WWOX: variants seen among roughly 807,000 people sequenced by gnomAD.
WWOX encodes WW domain containing oxidoreductase.
In WWOX, 69 loss-of-function variants were observed where a neutral mutation model predicts 46.2. That is an observed-to-expected ratio of 1.49 (90% CI 1.23 to 1.82). The LOEUF is 1.82. WWOX is among the 40% of genes most tolerant of loss of function. The pLI is 0.00. For missense variants in WWOX, 919 were observed against 542.6 expected, an observed-to-expected ratio of 1.69 and a Z score of -6.89; for synonymous variants, 359 against 202.6, an observed-to-expected ratio of 1.77 and a Z score of -6.56.
intron 5 of WWOX, among the ~76,000 whole-genome samples, chr16:78,264,083 A>T (rs2079310281): frequency 7.4e-6 from 1 of 135,130 alleles, no homozygotes; most frequent in Middle Eastern, 4.5e-3. Flanking sequence ...CACCTGCCCT[A>T]AGTGTATCTG....
chr16:79,176,184 A>C (rs1199267710), intron 8 of WWOX, among the ~76,000 whole-genome samples: 2 of 151,904 alleles, frequency 1.3e-5, no homozygotes, highest in Non-Finnish European at 2.9e-5. Flanking sequence ...TATAGCTGAA[A>C]CCCCCAAAGG....
At chr16:79,117,972 CT>C (rs1265404603) in intron 8 of WWOX, among the ~76,000 whole-genome samples, 1 of 152,226 alleles carries the variant, frequency 6.6e-6, no homozygotes, top group East Asian at 1.9e-4. Context: ...GTTTTGGTTT[CT>C]ATCATTTGTG....
chr16:78,334,804 A>ACGCGCG (rs1167396167), intron 5 of WWOX, among the ~76,000 whole-genome samples: 1 of 57,900 alleles, frequency 1.7e-5, no homozygotes, highest in African/African-American at 5.3e-5. Flanking sequence ...ACACACACAC[A>ACGCGCG]CACGCACACA....
chr16:79,069,148 C>T (rs763682449), intron 8 of WWOX, among the ~76,000 whole-genome samples: 8 of 152,146 alleles, frequency 5.3e-5, no homozygotes, highest in Non-Finnish European at 1.0e-4. Context: ...GTGGGCCCTG[C>T]GCTGCGCTTG....
intron 5 of WWOX, among the ~76,000 whole-genome samples, chr16:78,320,482 A>G (rs1364060497): frequency 6.6e-6 from 1 of 152,190 alleles, no homozygotes; most frequent in African/African-American, 2.4e-5. Context: ...TAGTTTGGTT[A>G]ATTCATACTG....
intron 8 of WWOX, among the ~76,000 whole-genome samples, chr16:78,440,128 G>C (rs1213825806): frequency 1.3e-5 from 2 of 152,196 alleles, no homozygotes; most frequent in Non-Finnish European, 2.9e-5. Context: ...TAGGGTAATG[G>C]TGTTGACACA....
intron 5 of WWOX, among the ~76,000 whole-genome samples, chr16:78,175,596 G>A (rs972938070): frequency 2.6e-5 from 4 of 152,126 alleles, no homozygotes; most frequent in African/African-American, 7.2e-5. Flanking sequence ...AGGAATTGAG[G>A]CCACCAGCCA....
chr16:78,995,922 C>T (rs1452173414), intron 8 of WWOX, among the ~76,000 whole-genome samples: 1 of 152,176 alleles, frequency 6.6e-6, no homozygotes, highest in African/African-American at 2.4e-5. Context: ...GTTTATACCT[C>T]TGTGACAGTT....
chr16:78,907,085 T>G (rs927156723), intron 8 of WWOX, among the ~76,000 whole-genome samples: 1 of 152,070 alleles, frequency 6.6e-6, no homozygotes, highest in African/African-American at 2.4e-5. Context: ...GGAGCTTTAT[T>G]GTTACTCAAA....
intron 8 of WWOX, among the ~76,000 whole-genome samples, chr16:78,855,219 A>C (rs1421367389): frequency 6.6e-6 from 1 of 152,174 alleles, no homozygotes; most frequent in Non-Finnish European, 1.5e-5. Context: ...TTTGACCTAC[A>C]AAGTCTTCAC....
chr16:79,013,496 A>G (rs1300431794), intron 8 of WWOX, among the ~76,000 whole-genome samples: 1 of 151,952 alleles, frequency 6.6e-6, no homozygotes, highest in African/African-American at 2.4e-5. Context: ...ATGTCCCCCC[A>G]TGAAGTCACT....
At position 78,370,413 on chromosome 16, in the gene WWOX, T is replaced by C. The variant is rs146173698; in HGVS notation, c.517-16447T>C. On this transcript the variant is annotated intron_variant, in intron 5 of 8. Coordinates refer to ENST00000566780, the MANE Select transcript of WWOX (RefSeq NM_016373.4). Reference sequence around the variant, plus strand: ...ATTAATATTATTCATTGGATAAATATCAAATTCAAAATACCGTTTACATTG... The same window carrying C: ...ATTAATATTATTCATTGGATAAATACCAAATTCAAAATACCGTTTACATTG... Among the ~76,000 whole-genome samples the C allele has an allele frequency of 5.6e-4, 85 of 152,204 alleles. 2 individuals are homozygous for C. In the East Asian group the frequency reaches 0.015, roughly 26 times the overall value.
intron 8 of WWOX, among the ~76,000 whole-genome samples, chr16:78,877,272 C>T (rs1485676872): frequency 7.3e-6 from 1 of 137,248 alleles, no homozygotes; most frequent in Non-Finnish European, 1.6e-5. Context: ...GTATGCCCTG[C>T]CTGCCTCCCC....
intron 5 of WWOX, among the ~76,000 whole-genome samples, chr16:78,293,822 A>G (rs1286612177): frequency 6.6e-6 from 1 of 151,768 alleles, no homozygotes; most frequent in Non-Finnish European, 1.5e-5. Flanking sequence ...CTAAAAATAC[A>G]AAAATTAGCC....
intron 8 of WWOX, among the ~76,000 whole-genome samples, chr16:78,452,896 G>A (rs1470048019): frequency 1.6e-5 from 2 of 124,530 alleles, no homozygotes; most frequent in African/African-American, 7.7e-5. Flanking sequence ...TTTTTGAGAG[G>A]GAATCTTACT....
intron 5 of WWOX, among the ~76,000 whole-genome samples, chr16:78,300,540 CT>C (rs375205529): frequency 9.7e-4 from 147 of 151,892 alleles, no homozygotes; most frequent in African/African-American, 3.4e-3. Flanking sequence ...TCTCTTTCCC[CT>C]GTCTCCTTCT....
chr16:79,012,663 C>G (rs556996325), intron 8 of WWOX, among the ~76,000 whole-genome samples: 7 of 152,280 alleles, frequency 4.6e-5, no homozygotes, highest in Non-Finnish European at 8.8e-5. Context: ...AATGAGGGAA[C>G]AAATATCCAG....
intron 5 of WWOX, among the ~76,000 whole-genome samples, chr16:78,225,718 A>G (rs771183905): frequency 6.6e-6 from 1 of 152,200 alleles, no homozygotes; most frequent in Non-Finnish European, 1.5e-5. Flanking sequence ...TCCCCAGGAA[A>G]TATACCTGGG....
intron 8 of WWOX, among the ~76,000 whole-genome samples, chr16:78,852,000 T>A (rs561124705): frequency 6.6e-6 from 1 of 152,336 alleles, no homozygotes; most frequent in South Asian, 2.1e-4. Context: ...ACAGCACTTT[T>A]GGGATCCTTG....
Sources: allele counts gnomAD v4.1 joint callset (sites outside exome capture counted in the v4.1 genomes callset), GRCh38; gene constraint gnomAD v4.1.1; transcripts MANE v1.5; gene names NCBI Gene and HGNC (gene_info 2026-07-23, HGNC 2026-07-21).